Variants in RUNX2 observed in about 807,000 individuals in gnomAD.
RUNX2 encodes RUNX family transcription factor 2, also known as runt-related transcription factor 2.
Under a neutral mutation model 51.7 loss-of-function variants are expected in RUNX2, and 10 were observed. That is an observed-to-expected ratio of 0.19 (90% CI 0.12 to 0.33). RUNX2 has a LOEUF of 0.33. RUNX2 is among the 10% of genes least tolerant of loss of function. RUNX2 has a pLI of 1.00. For synonymous variants in RUNX2, 276 were observed against 273.6 expected (o/e 1.01, Z -0.09); for missense variants, 562 against 691.3 (o/e 0.81, Z 2.10).
intron 5 of RUNX2, among the ~76,000 whole-genome samples, chr6:45,459,233 C>T (rs1379744943): frequency 6.6e-6 from 1 of 152,176 alleles, no homozygotes; most frequent in East Asian, 1.9e-4. Context: ...CTTCCATTTT[C>T]AGTATCAAAA....
chr6:45,346,620 T>G (rs1479168950), intron 2 of RUNX2, among the ~76,000 whole-genome samples: 2 of 150,100 alleles, frequency 1.3e-5, no homozygotes, highest in East Asian at 3.9e-4. Flanking sequence ...CAGGCCAAAG[T>G]GCAGTGGTGC....
At chr6:45,420,015 G>C (rs1388610379) in intron 2 of RUNX2, among the ~76,000 whole-genome samples, 1 of 152,088 alleles carries the variant, frequency 6.6e-6, no homozygotes, top group Non-Finnish European at 1.5e-5. Context: ...GACCGACGAG[G>C]GAGGCGTGGA....
intron 2 of RUNX2, among the ~76,000 whole-genome samples, chr6:45,352,832 A>G (rs575620775): frequency 1.3e-5 from 2 of 152,212 alleles, no homozygotes; most frequent in Middle Eastern, 3.4e-3. Context: ...CATATATATA[A>G]TTCTATTAGT....
At chr6:45,372,598 T>A (rs1245373119) in intron 2 of RUNX2, among the ~76,000 whole-genome samples, 1 of 152,216 alleles carries the variant, frequency 6.6e-6, no homozygotes, top group African/African-American at 2.4e-5. Context: ...TTGTTTCAAT[T>A]TACTGTCCTG....
At chr6:45,425,109 T>C (rs1798348994) in intron 3 of RUNX2, among the ~76,000 whole-genome samples, 1 of 150,540 alleles carries the variant, frequency 6.6e-6, no homozygotes, top group Non-Finnish European at 1.5e-5. Context: ...TACAAATAAG[T>C]AGATACCTTG....
At chr6:45,446,576 T>A (rs1158044749) in intron 5 of RUNX2, among the ~76,000 whole-genome samples, 1 of 151,882 alleles carries the variant, frequency 6.6e-6, no homozygotes, top group Non-Finnish European at 1.5e-5. Context: ...TGAAATATTC[T>A]GTTCACCTCT....
chr6:45,346,859 C>T (rs1790991485), intron 2 of RUNX2, among the ~76,000 whole-genome samples: 1 of 151,990 alleles, frequency 6.6e-6, no homozygotes, highest in African/African-American at 2.4e-5. Context: ...GCCATCGCGC[C>T]GGGCCTCAAT....
chr6:45,475,815 A>G (rs899607761), intron 5 of RUNX2, among the ~76,000 whole-genome samples: 8 of 152,256 alleles, frequency 5.3e-5, no homozygotes, highest in African/African-American at 1.7e-4. Context: ...ATAACAATTT[A>G]TACGGTGAAC....
At chr6:45,523,459 C>T (rs1254238266) in intron 7 of RUNX2, among the ~76,000 whole-genome samples, 4 of 151,646 alleles carry the variant, frequency 2.6e-5, no homozygotes, top group Admixed American at 6.6e-5. Flanking sequence ...TTAGTAGAGA[C>T]GGGGTTTCAC....
intron 2 of RUNX2, among the ~76,000 whole-genome samples, chr6:45,389,126 G>A (rs1421306894): frequency 2.6e-5 from 4 of 152,206 alleles, no homozygotes; most frequent in Non-Finnish European, 4.4e-5. Context: ...GACCAAGTAA[G>A]TGAACAAATA....
At chr6:45,455,889 C>T (rs2150383001) in intron 5 of RUNX2, among the ~76,000 whole-genome samples, 1 of 152,180 alleles carries the variant, frequency 6.6e-6, no homozygotes, top group African/African-American at 2.4e-5. Flanking sequence ...TAGATAAATG[C>T]CCTGCCATTG....
chr6:45,347,529 T>C (rs1229738738), intron 2 of RUNX2, among the ~76,000 whole-genome samples: 2 of 152,192 alleles, frequency 1.3e-5, no homozygotes, highest in Non-Finnish European at 1.5e-5. Flanking sequence ...ACCTTTAATA[T>C]ATTTTTTAAA....
intron 4 of RUNX2, among the ~76,000 whole-genome samples, chr6:45,434,381 G>A (rs943984580): frequency 1.3e-5 from 2 of 151,656 alleles, no homozygotes; most frequent in African/African-American, 2.4e-5. Flanking sequence ...TTTCTTTCCC[G>A]GCTTTAAATA....
chr6:45,536,485 C>A (rs1274419611), intron 7 of RUNX2, among the ~76,000 whole-genome samples: 1 of 152,184 alleles, frequency 6.6e-6, no homozygotes, highest in Admixed American at 6.5e-5. Context: ...ATTCGAGCCA[C>A]GTGCTTTAAG....
intron 5 of RUNX2, among the ~76,000 whole-genome samples, chr6:45,447,722 T>C (rs1441398542): frequency 6.6e-6 from 1 of 152,246 alleles, no homozygotes. Flanking sequence ...TTATGTTTAT[T>C]GATTCATTTG....
intron 2 of RUNX2, among the ~76,000 whole-genome samples, chr6:45,331,853 C>T (rs1208092705): frequency 6.6e-6 from 1 of 151,862 alleles, no homozygotes; most frequent in African/African-American, 2.4e-5. Context: ...TTCCAGCTAA[C>T]AACTGATAGT....
At chr6:45,506,537 T>A (rs1446054694) in intron 6 of RUNX2, among the ~76,000 whole-genome samples, 1 of 152,242 alleles carries the variant, frequency 6.6e-6, no homozygotes, top group Non-Finnish European at 1.5e-5. Flanking sequence ...GTCAATTTGT[T>A]GAATTTCTCT....
At chr6:45,451,008 A>G (rs571284353) in intron 5 of RUNX2, among the ~76,000 whole-genome samples, 1 of 152,300 alleles carries the variant, frequency 6.6e-6, no homozygotes, top group South Asian at 2.1e-4. Context: ...TTCTTCTTCG[A>G]GTTAAGGCTT....
chr6:45,492,007 G>T lies in RUNX2; in HGVS notation c.752G>T (p.Arg251Leu). 1 of 1,613,844 alleles carries T rather than the reference G, an allele frequency of 6.2e-7. No homozygotes were observed. Among genetic ancestry groups the T allele is most frequent in the South Asian group, 1.1e-5 (1 of 91,076 alleles). ...LFSDRLSDLG[R>L]IPHPSMRVGV... is the part of the protein sequence containing the mutation. ...TCTGACCGCCTCAGTGATTTAGGGCGCATTCCTCATCCCAGTATGAGAGTA... is the reference window on the plus strand; with the variant it reads ...TCTGACCGCCTCAGTGATTTAGGGCTCATTCCTCATCCCAGTATGAGAGTA... The change falls in exon 6 of 9, where the codon CGC becomes CTC. Residue 251 changes from arginine (R) to leucine (L), a missense_variant. Coordinates refer to ENST00000647337, the MANE Select transcript of RUNX2 (RefSeq NM_001024630.4).
Sources: gnomAD v4.1 joint callset for allele counts (sites outside exome capture counted in the v4.1 genomes callset) on GRCh38, gnomAD v4.1.1 for gene constraint, MANE v1.5 for transcripts, NCBI Gene and HGNC (gene_info 2026-07-23, HGNC 2026-07-21) for gene names.